Variants in LRIG2 observed in about 807,000 individuals in gnomAD.
The protein encoded by LRIG2 is leucine rich repeats and immunoglobulin like domains 2.
In LRIG2, 93 loss-of-function variants were observed where a neutral mutation model predicts 107.8. The observed-to-expected ratio is 0.86, with a 90% CI of 0.73 to 1.03. The LOEUF (loss-of-function observed/expected upper bound fraction) is 1.03. Ranked by LOEUF, LRIG2 falls within the 50% of genes least tolerant of loss-of-function variation. The probability of loss-of-function intolerance (pLI) is 0.00; values close to 1 mark genes in which losing one functional copy is unlikely to be tolerated. For missense variants in LRIG2, 1,226 were observed against 1,296.0 expected (o/e 0.95, Z 0.83); for synonymous variants, 471 against 470.6 (o/e 1.00, Z -0.01).
In LRIG2 at chr1:113,127,828, A is replaced by AGAG. The variant is rs1449254964; in HGVS notation, c.*3728_*3730dup. On this transcript the variant is annotated 3_prime_UTR_variant, in exon 18 of 18. Coordinates refer to ENST00000361127, the MANE Select transcript of LRIG2 (RefSeq NM_014813.3). ...GGTGATCCACCCGCCTCGGCCTCCT[A>AGAG]GAGTGCTGGGATTACAGGCGTGAGC... 2.0e-5 allele frequency: 3 copies of AGAG among 152,128 alleles called. No individual in the cohort carries two copies. The highest frequency in any genetic ancestry group is 7.2e-5 in the African/African-American group (3 of 41,424). 9.4% of individuals were successfully genotyped at this position (152,128 alleles called of 1,614,324 possible).
At position 113,091,402 on chromosome 1, in the gene LRIG2, T is replaced by C; in HGVS notation, c.305+19T>C. The C allele has an allele frequency of 6.7e-7, 1 of 1,501,968 alleles. No homozygotes were observed. Among genetic ancestry groups the C allele is most frequent in the South Asian group, 1.2e-5 (1 of 83,424 alleles). 93.0% of individuals were successfully genotyped at this position (1,501,968 alleles called of 1,614,324 possible). ...AGGAAGTGTAAGTTATTTTTATTTATTTAAAGTTATGTTAAATTCCTGAGG... is the reference window on the plus strand; with the variant it reads ...AGGAAGTGTAAGTTATTTTTATTTACTTAAAGTTATGTTAAATTCCTGAGG... On this transcript the variant is annotated intron_variant, in intron 2 of 17. Coordinates refer to ENST00000361127, the MANE Select transcript of LRIG2 (RefSeq NM_014813.3).
In LRIG2 at chr1:113,107,716, G is replaced by T; in HGVS notation, c.1436G>T (p.Gly479Val). ...TGTGCACACCCTGAATGGCTAGCAG[G>T]GCAAAGCATCCTGAATGTGGATCTG... ...VSCAHPEWLAGQSILNVDLKD... is the reference protein window; with the variant it reads ...VSCAHPEWLAVQSILNVDLKD... The change falls in exon 12 of 18, where the codon GGG (glycine) becomes GTG (valine). Residue 479 changes from glycine to valine, a missense_variant. Physicochemically the swap from Gly to Val is moderately radical, Grantham distance 109. Around this residue, in one of 3 missense-constraint regions of LRIG2, gnomAD observed 14 missense variants for 33.6 expected, o/e 0.42. Coordinates refer to ENST00000361127, the MANE Select transcript of LRIG2 (RefSeq NM_014813.3). 1 of 1,612,702 alleles carries T rather than the reference G, an allele frequency of 6.2e-7. No individual in the cohort carries two copies. The highest frequency in any genetic ancestry group is 8.5e-7 in the Non-Finnish European group (1 of 1,179,650).
intron 13 of LRIG2, among the ~76,000 whole-genome samples, 158 bp from the exon 14 acceptor site, chr1:113,112,321 A>G (rs181305133): frequency 5.4e-4 from 82 of 152,268 alleles, no homozygotes; most frequent in African/African-American, 1.7e-3. Context: ...TTTTAAATTT[A>G]TAAAACTATA....
In LRIG2 at chr1:113,129,124, A is replaced by G. The variant is rs1331316385; in HGVS notation, c.*5023A>G. ...TCAAGAGATCGAGACCATCCTGGCCAACATGGTGAAATTCCACCTCTACTA... is the reference window on the plus strand; with the variant it reads ...TCAAGAGATCGAGACCATCCTGGCCGACATGGTGAAATTCCACCTCTACTA... On this transcript the variant is annotated 3_prime_UTR_variant, in exon 18 of 18. Coordinates refer to ENST00000361127, the MANE Select transcript of LRIG2 (RefSeq NM_014813.3). 2.0e-5 allele frequency: 3 copies of G among 152,192 alleles called. No individual in the cohort carries two copies. The highest frequency in any genetic ancestry group is 4.4e-5 in the Non-Finnish European group (3 of 68,132). The allele number at this position is 152,192 out of a possible 1,614,324, so 9.4% of individuals were successfully genotyped here.
intron 1 of LRIG2, 51 bp downstream of exon 1, chr1:113,073,696 C>G (rs774125446): frequency 1.3e-5 from 20 of 1,534,838 alleles, no homozygotes; most frequent in Non-Finnish European, 2.7e-6. Flanking sequence ...AGCCTTCCCT[C>G]TACAGGGGGC....
Position 113,112,705 on chromosome 1 carries a change from C to T in LRIG2, c.2025C>T (p.Cys675=), listed in dbSNP as rs1654826447. 1 of 1,612,628 alleles carries T rather than the reference C, an allele frequency of 6.2e-7. No individual in the cohort carries two copies. The highest frequency in any genetic ancestry group is 8.5e-7 in the Non-Finnish European group (1 of 1,178,794). Residue 675 remains cysteine, a synonymous_variant, in exon 14 of 18, where the codon TGC becomes TGT. Transcript: ENST00000361127. ...TAGAAGATATGGGAATCTATAGCTGCATGGCACAAAATACAGCAGGAGGTC... is the reference window on the plus strand; with the variant it reads ...TAGAAGATATGGGAATCTATAGCTGTATGGCACAAAATACAGCAGGAGGTC... ...VKIEDMGIYS[C]MAQNTAGGLS... is the part of the protein sequence containing the mutation.
rs1261891591 is a variant in LRIG2, at chr1:113,128,964, A to G, written c.*4863A>G. 1 of 152,158 alleles carries G rather than the reference A, an allele frequency of 6.6e-6. No individual in the cohort carries two copies. The highest frequency in any genetic ancestry group is 1.9e-4 in the East Asian group (1 of 5,198). 9.4% of individuals were successfully genotyped at this position (152,158 alleles called of 1,614,324 possible). On this transcript the variant is annotated 3_prime_UTR_variant, in exon 18 of 18. Transcript: ENST00000361127. ...GGCTAGGCTGCCAGAGACTGTGCCA[A>G]TGAGCATCACCCGTCATGTGTGAGA...
intron 2 of LRIG2, among the ~76,000 whole-genome samples, chr1:113,092,560 G>T (rs548702726): frequency 8.9e-5 from 2 of 22,464 alleles, no homozygotes; most frequent in Admixed American, 8.6e-4. Context: ...GACTGATTAT[G>T]CCTTCTTTAA....
intron 1 of LRIG2, among the ~76,000 whole-genome samples, chr1:113,080,414 CT>C (rs1570723719): frequency 6.7e-6 from 1 of 150,184 alleles, no homozygotes; most frequent in East Asian, 2.0e-4. Context: ...GAGTCTCGCT[CT>C]GTTGCCCAGG....
At chr1:113,098,601 C>G (rs1281063860) in intron 8 of LRIG2, 104 bp from the exon 9 acceptor site, 1 of 697,464 alleles carries the variant, frequency 1.4e-6, no homozygotes, top group East Asian at 2.5e-5. Context: ...AAGTAAGGAT[C>G]AGAATTAGCA....
At chr1:113,102,137 G>C (rs1402673244) in intron 11 of LRIG2, among the ~76,000 whole-genome samples, 3 of 152,194 alleles carry the variant, frequency 2.0e-5, no homozygotes, top group African/African-American at 7.2e-5. Context: ...GGCTTTCCAG[G>C]CACAAGGAGT....
chr1:113,123,765 T>G (rs1485415764), intron 17 of LRIG2, 110 bp from the exon 18 acceptor site: 2 of 694,556 alleles, frequency 2.9e-6, no homozygotes, highest in Non-Finnish European at 4.9e-6. Flanking sequence ...GTGTGTGATT[T>G]CAGTGTCCCT....
At chr1:113,076,335 T>C (rs1415659991) in intron 1 of LRIG2, among the ~76,000 whole-genome samples, 3 of 152,228 alleles carry the variant, frequency 2.0e-5, no homozygotes, top group Non-Finnish European at 4.4e-5. Context: ...AGATTCTCCG[T>C]TGGTTGGTAA....
intron 1 of LRIG2, among the ~76,000 whole-genome samples, chr1:113,073,955 C>T (rs6695183): frequency 7.5e-6 from 1 of 133,638 alleles, no homozygotes; most frequent in Non-Finnish European, 1.5e-5. Flanking sequence ...GTCCTGGGCA[C>T]CAGCATTGAC....
chr1:113,077,828 T>C (rs920815997), intron 1 of LRIG2, among the ~76,000 whole-genome samples: 21 of 151,734 alleles, frequency 1.4e-4, no homozygotes, highest in African/African-American at 4.6e-4. Flanking sequence ...GTTGGTGTGC[T>C]GCACCCATTA....
intron 1 of LRIG2, among the ~76,000 whole-genome samples, chr1:113,078,853 TG>T (rs1452243578): frequency 6.6e-6 from 1 of 152,016 alleles, no homozygotes; most frequent in African/African-American, 2.4e-5. Context: ...TTGGTCAGGC[TG>T]GTCTCAAACT....
chr1:113,112,807 G>A, intron 14 of LRIG2, 47 bp downstream of exon 14: 2 of 1,533,224 alleles, frequency 1.3e-6, no homozygotes, highest in Non-Finnish European at 1.8e-6. Flanking sequence ...GAGTCTTTGG[G>A]AGCTACTCTT....
chr1:113,122,388 C>G (rs1337428207), intron 17 of LRIG2, among the ~76,000 whole-genome samples: 2 of 152,060 alleles, frequency 1.3e-5, no homozygotes, highest in Admixed American at 6.6e-5. Context: ...CACCCAGCCT[C>G]TATTGTTCTT....
At position 113,123,774 on chromosome 1, in the gene LRIG2, C is replaced by T. The variant is rs1054828389; in HGVS notation, c.2972-101C>T. The stretch of plus-strand genomic sequence containing the variant: ...GTGTGTGTGTGTGATTTCAGTGTCC[C>T]TATTCAGGAATATTGAACATCTTTA... On this transcript the variant is annotated intron_variant, in intron 17 of 17. Coordinates refer to ENST00000361127, the MANE Select transcript of LRIG2 (RefSeq NM_014813.3). The T allele has an allele frequency of 2.6e-5, 20 of 776,554 alleles. No individual in the cohort carries two copies. The Admixed American group carries it at 4.3e-4, about 17-fold the overall frequency. 48.1% of individuals were successfully genotyped at this position (776,554 alleles called of 1,614,324 possible). A position where few individuals can be genotyped will look rare whatever the true frequency, so the allele number is the denominator to read the frequency against.
Sources: gnomAD v4.1 joint callset for allele counts (sites outside exome capture counted in the v4.1 genomes callset) on GRCh38, gnomAD v4.1.1 for gene constraint, gnomAD v4.1.1 regional missense constraint, MANE v1.5 for transcripts, NCBI Gene and HGNC (gene_info 2026-07-23, HGNC 2026-07-21) for gene names.